The following SLMAP variants were observed in gnomAD, a reference collection of about 807,000 sequenced individuals.
The protein encoded by SLMAP is sarcolemmal membrane-associated protein.
Under a neutral mutation model 128.8 loss-of-function variants are expected in SLMAP, and 44 were observed. That is an observed-to-expected ratio of 0.34 (90% CI 0.27 to 0.44). The LOEUF is 0.44. Among genes scored for constraint, SLMAP ranks in the 20% least tolerant of loss-of-function variants. The probability of loss-of-function intolerance (pLI) is 1.00; values close to 1 mark genes in which losing one functional copy is unlikely to be tolerated. For missense variants in SLMAP, 787 were observed against 985.3 expected, an observed-to-expected ratio of 0.80 and a Z score of 2.69; for synonymous variants, 327 against 348.8, an observed-to-expected ratio of 0.94 and a Z score of 0.70.
chr3:57,869,077 T>C (rs2095404995), intron 13 of SLMAP, among the ~76,000 whole-genome samples: 1 of 141,996 alleles, frequency 7.0e-6, no homozygotes, highest in East Asian at 2.0e-4. Context: ...GGGAGTTTAT[T>C]AAGTATTAAC....
At chr3:57,795,428 A>G (rs573216297) in intron 2 of SLMAP, among the ~76,000 whole-genome samples, 111 of 152,244 alleles carry the variant, frequency 7.3e-4, no homozygotes, top group Middle Eastern at 3.4e-3. Context: ...AGTCCCAGCT[A>G]TTTGGGAGGC....
At chr3:57,893,223 C>G (rs1263141292) in intron 15 of SLMAP, among the ~76,000 whole-genome samples, 1 of 151,806 alleles carries the variant, frequency 6.6e-6, no homozygotes, top group Non-Finnish European at 1.5e-5. Flanking sequence ...GTTAATGAAA[C>G]AGACATTCCA....
At chr3:57,773,151 C>A (rs1274740012) in intron 2 of SLMAP, among the ~76,000 whole-genome samples, 2 of 152,164 alleles carry the variant, frequency 1.3e-5, no homozygotes, top group African/African-American at 4.8e-5. Context: ...ATGCCAGCAT[C>A]CAAGAAAATG....
At chr3:57,795,172 A>T (rs2086423850) in intron 2 of SLMAP, among the ~76,000 whole-genome samples, 1 of 152,212 alleles carries the variant, frequency 6.6e-6, no homozygotes, top group Non-Finnish European at 1.5e-5. Context: ...AATGACTAAT[A>T]ATTGAGCATC....
chr3:57,780,708 A>ATC (rs911337408), intron 2 of SLMAP, among the ~76,000 whole-genome samples: 17 of 151,712 alleles, frequency 1.1e-4, no homozygotes, highest in Non-Finnish European at 2.4e-4. Flanking sequence ...CAGTGGCTCT[A>ATC]TCTCTGCTCA....
chr3:57,909,255 C>A, intron 19 of SLMAP, 105 bp downstream of exon 19: 1 of 772,416 alleles, frequency 1.3e-6, no homozygotes, highest in Admixed American at 2.5e-5. Flanking sequence ...GCAATCCCAG[C>A]ATTTGGGAGG....
At chr3:57,817,245 A>G (rs2091966342) in intron 2 of SLMAP, among the ~76,000 whole-genome samples, 1 of 152,226 alleles carries the variant, frequency 6.6e-6, no homozygotes, top group Non-Finnish European at 1.5e-5. Context: ...ATTTTACTGA[A>G]TCAGAAATCA....
intron 14 of SLMAP, among the ~76,000 whole-genome samples, chr3:57,877,878 A>G (rs1200791432): frequency 7.5e-6 from 1 of 133,066 alleles, no homozygotes; most frequent in Admixed American, 8.7e-5. Context: ...TCCGTTGCCC[A>G]GGCTGGAGTG....
At chr3:57,897,231 T>A in intron 17 of SLMAP, 1 of 598,708 alleles carries the variant, frequency 1.7e-6, no homozygotes, top group East Asian at 3.6e-5. Flanking sequence ...TATTAGCGCT[T>A]TTAACATAAT....
At chr3:57,788,269 C>T (rs1277375693) in intron 2 of SLMAP, among the ~76,000 whole-genome samples, 2 of 152,174 alleles carry the variant, frequency 1.3e-5, no homozygotes, top group African/African-American at 2.4e-5. Flanking sequence ...CCTTTAGGAA[C>T]AGGTGGTGAG....
chr3:57,836,659 G>T (rs989543312), intron 3 of SLMAP, among the ~76,000 whole-genome samples: 1 of 152,156 alleles, frequency 6.6e-6, no homozygotes, highest in African/African-American at 2.4e-5. Flanking sequence ...TTTGATGTTT[G>T]GCATTCTTTG....
At chr3:57,842,946 C>T (rs2094010015) in intron 4 of SLMAP, among the ~76,000 whole-genome samples, 1 of 152,150 alleles carries the variant, frequency 6.6e-6, no homozygotes, top group Non-Finnish European at 1.5e-5. Flanking sequence ...GATCAGGCAA[C>T]ATTTTTCTCA....
chr3:57,880,799 C>T (rs1288241126), intron 14 of SLMAP, among the ~76,000 whole-genome samples: 2 of 151,958 alleles, frequency 1.3e-5, no homozygotes, highest in African/African-American at 4.8e-5. Flanking sequence ...GTGGGAGGAT[C>T]GCTTGAGCCC....
intron 2 of SLMAP, among the ~76,000 whole-genome samples, chr3:57,805,969 G>A (rs1476369130): frequency 2.6e-5 from 4 of 152,034 alleles, no homozygotes; most frequent in Non-Finnish European, 5.9e-5. Flanking sequence ...TAATTCTCAG[G>A]GTTGGGCCAA....
rs574381099 is a variant in SLMAP, at chr3:57,769,670, G to A, written c.198+11821G>A. Reference sequence around the variant, plus strand: ...GTAATAGCTTAGTGAAAGCAGCTTGGGATATAGGAAGTAGAAGACAGTGAG... The same window carrying A: ...GTAATAGCTTAGTGAAAGCAGCTTGAGATATAGGAAGTAGAAGACAGTGAG... On this transcript the variant is annotated intron_variant, in intron 2 of 24. Transcript: ENST00000671191. Among the ~76,000 whole-genome samples the A allele has an allele frequency of 2.0e-5, 3 of 152,256 alleles. No homozygotes were observed. The South Asian group carries it at 6.2e-4, about 32-fold the overall frequency.
rs1009755128 is a variant in SLMAP, at chr3:57,775,509, CAAAAAAAAAAAAA to C, written c.198+17677_198+17689del. Among the ~76,000 whole-genome samples, 15 of 21,198 alleles carry C rather than the reference CAAAAAAAAAAAAA, an allele frequency of 7.1e-4. No homozygotes were observed. In the East Asian group the frequency reaches 9.0e-3, roughly 13 times the overall value. The allele number at this position is 21,198 out of a possible 152,430, so 13.9% of individuals were successfully genotyped here. ...GCAACAAAGTGAAACCCTGTTGGTA[CAAAAAAAAAAAAA>C]AAAAAAAAAAAAAAAAGAGCCGGGC... On this transcript the variant is annotated intron_variant, in intron 2 of 24. Coordinates refer to ENST00000671191, the MANE Select transcript of SLMAP (RefSeq NM_001377540.1).
intron 2 of SLMAP, among the ~76,000 whole-genome samples, chr3:57,804,829 A>T (rs1219464844): frequency 6.6e-6 from 1 of 152,168 alleles, no homozygotes; most frequent in African/African-American, 2.4e-5. Context: ...ATCTCCTATC[A>T]CTGTAAATGA....
At chr3:57,911,720 T>C (rs779041892) in intron 19 of SLMAP, among the ~76,000 whole-genome samples, 2 of 152,074 alleles carry the variant, frequency 1.3e-5, no homozygotes, top group Non-Finnish European at 2.9e-5. Flanking sequence ...ATAGATAATA[T>C]GATGTCCAAT....
intron 2 of SLMAP, among the ~76,000 whole-genome samples, chr3:57,812,046 G>A (rs1402051675): frequency 6.6e-6 from 1 of 152,090 alleles, no homozygotes; most frequent in Non-Finnish European, 1.5e-5. Context: ...TCTGTTGATA[G>A]TGCCCTTTGA....
Sources: gnomAD v4.1 joint callset for allele counts (sites outside exome capture counted in the v4.1 genomes callset) on GRCh38, gnomAD v4.1.1 for gene constraint, MANE v1.5 for transcripts, NCBI Gene and HGNC (gene_info 2026-07-23, HGNC 2026-07-21) for gene names.